ZBTB25: variants seen among roughly 807,000 people sequenced by gnomAD.
ZBTB25 encodes the protein zinc finger and BTB domain-containing protein 25.
A neutral mutation model predicts 34.2 loss-of-function variants in ZBTB25; 20 were observed. The observed-to-expected ratio is 0.58, with a 90% CI of 0.41 to 0.85. The LOEUF is 0.85. ZBTB25 is among the 40% of genes least tolerant of loss of function. ZBTB25 has a pLI of 0.00. For synonymous variants in ZBTB25, 175 were observed against 186.4 expected (o/e 0.94, Z 0.50); for missense variants, 437 against 521.8 (o/e 0.84, Z 1.58).
Position 64,462,073 on chromosome 14 carries a change from A to G in ZBTB25, c.174-12435T>C, listed in dbSNP as rs1259865146. 8 of 152,214 alleles carry G rather than the reference A, an allele frequency of 5.3e-5. No individual in the cohort carries two copies. In the South Asian group the frequency reaches 1.0e-3, roughly 20 times the overall value. The allele number at this position is 152,214 out of a possible 1,614,324, so 9.4% of individuals were successfully genotyped here. A position where few individuals can be genotyped will look rare whatever the true frequency, so the allele number is the denominator to read the frequency against. ...ACAGCCACATGGGTTTAAATCCTCA[A>G]TACTGGTAGGGGCTGGGCATGGTAG... On this transcript the variant is annotated intron_variant, in intron 2 of 2. Transcript: ENST00000555220.
chr14:64,494,614 G>A (rs984602850), intron 1 of ZBTB25, among the ~76,000 whole-genome samples: 2 of 152,042 alleles, frequency 1.3e-5, no homozygotes, highest in African/African-American at 2.4e-5. Flanking sequence ...GGGCAACAGA[G>A]CGAGACTCTG....
chr14:64,453,346 C>T (rs1053627206), intron 2 of ZBTB25, among the ~76,000 whole-genome samples: 7 of 151,982 alleles, frequency 4.6e-5, no homozygotes. Context: ...CCAAGGCTGG[C>T]AGATCACCTG....
At chr14:64,490,995 G>A (rs191287202) in intron 1 of ZBTB25, among the ~76,000 whole-genome samples, 15 of 152,270 alleles carry the variant, frequency 9.9e-5, no homozygotes, top group Middle Eastern at 3.4e-3. Context: ...AACATAACAC[G>A]GTATCCTGGC....
At chr14:64,503,936 C>G (rs893585030), upstream of ZBTB25, 2 of 152,174 alleles carry the variant, frequency 1.3e-5, no homozygotes, top group Admixed American at 6.5e-5. Flanking sequence ...GGCCCGCGCT[C>G]TGAGTGCCGC....
chr14:64,449,312 A>C, exon 3 of ZBTB25: 2 of 1,086,936 alleles, frequency 1.8e-6, no homozygotes, highest in Non-Finnish European at 2.8e-6. Flanking sequence ...GCTGAGATTC[A>C]AACCCAGGCC....
At chr14:64,453,654 G>GCC (rs2078415712) in intron 2 of ZBTB25, 1 of 734,204 alleles carries the variant, frequency 1.4e-6, no homozygotes. Context: ...ACCATCTTCT[G>GCC]CCCCTTTTAG....
intron 2 of ZBTB25, chr14:64,471,095 C>T (rs2078665038): frequency 6.0e-6 from 1 of 166,504 alleles, no homozygotes. Context: ...GTGTTGAGAC[C>T]AGTAAAAAGC....
chr14:64,474,397 C>T (rs1465191313), downstream of ZBTB25: 1 of 166,934 alleles, frequency 6.0e-6, no homozygotes, highest in Admixed American at 6.5e-5. Flanking sequence ...TACTAAATTA[C>T]TATGGATCAG....
At position 64,503,152 on chromosome 14, in the gene ZBTB25, C is replaced by G. The variant is rs2079553297; in HGVS notation, c.-8+509G>C. 4 of 985,506 alleles carry G rather than the reference C, an allele frequency of 4.1e-6. No individual in the cohort carries two copies. The Admixed American group carries it at 1.8e-4, about 45-fold the overall frequency. 61.0% of individuals were successfully genotyped at this position (985,506 alleles called of 1,614,324 possible). A position where few individuals can be genotyped will look rare whatever the true frequency, so the allele number is the denominator to read the frequency against. On this transcript the variant is annotated intron_variant, in intron 1 of 2. Coordinates refer to ENST00000608382, the MANE Select transcript of ZBTB25 (RefSeq NM_006977.5). Reference sequence around the variant, plus strand: ...GCTTCAAAAAGAAAAACCGGATATGCTTAGAACAAGATAAACATAATTTGA... The same window carrying G: ...GCTTCAAAAAGAAAAACCGGATATGGTTAGAACAAGATAAACATAATTTGA...
intron 2 of ZBTB25, among the ~76,000 whole-genome samples, chr14:64,464,107 C>T (rs1468059211): frequency 6.6e-6 from 1 of 151,586 alleles, no homozygotes; most frequent in Non-Finnish European, 1.5e-5. Context: ...AGTAGTGGCT[C>T]ACAGCAGCCT....
downstream of ZBTB25, among the ~76,000 whole-genome samples, chr14:64,475,061 A>G (rs1237703911): frequency 6.6e-6 from 1 of 152,224 alleles, no homozygotes; most frequent in African/African-American, 2.4e-5. Context: ...AAGTCCTAAA[A>G]CGAATCTGGC....
Position 64,486,309 on chromosome 14 carries a change from A to C in ZBTB25, c.*614T>G. On this transcript the variant is annotated 3_prime_UTR_variant, in exon 3 of 3. Transcript: ENST00000608382. ...ACAGAGAGACTCTGTCTCAAAAAAA[A>C]AAAGAGGTATACTCAATGTTAAAAA... is the stretch of plus-strand genomic sequence containing the variant. 1 of 985,150 alleles carries C rather than the reference A, an allele frequency of 1.0e-6. No homozygotes were observed. Among genetic ancestry groups the C allele is most frequent in the Non-Finnish European group, 1.2e-6 (1 of 829,646 alleles). The allele number at this position is 985,150 out of a possible 1,614,324, so 61.0% of individuals were successfully genotyped here. A position where few individuals can be genotyped will look rare whatever the true frequency, so the allele number is the denominator to read the frequency against.
At chr14:64,492,683 G>A (rs1227163151) in intron 1 of ZBTB25, among the ~76,000 whole-genome samples, 1 of 151,670 alleles carries the variant, frequency 6.6e-6, no homozygotes, top group African/African-American at 2.4e-5. Context: ...CTGAACCATA[G>A]GGAAATGAGA....
At chr14:64,475,779 G>A (rs748881937), downstream of ZBTB25, among the ~76,000 whole-genome samples, 2 of 152,130 alleles carry the variant, frequency 1.3e-5, no homozygotes, top group Admixed American at 6.5e-5. Flanking sequence ...GTGGCGCCGC[G>A]TCTGGGAAAC....
chr14:64,486,095 C>G lies in ZBTB25; in HGVS notation c.*828G>C, dbSNP rs578015976. The stretch of plus-strand genomic sequence containing the variant: ...CGGGCAGATGACGAGGTCAGGAGAT[C>G]GAGACCATCCTGGCTAACACGGTGA... On this transcript the variant is annotated 3_prime_UTR_variant, in exon 3 of 3. Transcript: ENST00000608382. 4 of 791,684 alleles carry G rather than the reference C, an allele frequency of 5.1e-6. No individual in the cohort carries two copies. Among genetic ancestry groups the G allele is most frequent in the East Asian group, 2.5e-4 (2 of 7,848 alleles). 49.0% of individuals were successfully genotyped at this position (791,684 alleles called of 1,614,324 possible).
chr14:64,498,249 A>C (rs2079348181), intron 1 of ZBTB25, among the ~76,000 whole-genome samples: 1 of 151,994 alleles, frequency 6.6e-6, no homozygotes, highest in African/African-American at 2.4e-5. Flanking sequence ...TTGATGTCTG[A>C]GTCCCAACCC....
At position 64,483,540 on chromosome 14, in the gene ZBTB25, G is replaced by C. The variant is rs558095066; in HGVS notation, c.*3383C>G. ...GACCCGCCCGCCTCGGCCTCCCAAA[G>C]TGCTGGGATTACAAGCATGAGCCAC... On this transcript the variant is annotated 3_prime_UTR_variant, in exon 3 of 3. Transcript: ENST00000608382. 6 of 152,166 alleles carry C rather than the reference G, an allele frequency of 3.9e-5. No homozygotes were observed. The highest frequency in any genetic ancestry group is 7.3e-5 in the Non-Finnish European group (5 of 68,088). 9.4% of individuals were successfully genotyped at this position (152,166 alleles called of 1,614,324 possible). A position where few individuals can be genotyped will look rare whatever the true frequency, so the allele number is the denominator to read the frequency against.
chr14:64,474,884 A>C (rs1400857875), downstream of ZBTB25, among the ~76,000 whole-genome samples: 2 of 152,218 alleles, frequency 1.3e-5, no homozygotes, highest in African/African-American at 4.8e-5. Flanking sequence ...GGTACATACT[A>C]AAGGTGGGTG....
chr14:64,455,815 C>T (rs887420104), intron 2 of ZBTB25, among the ~76,000 whole-genome samples: 2 of 152,194 alleles, frequency 1.3e-5, no homozygotes, highest in African/African-American at 4.8e-5. Flanking sequence ...AAGGTGAGAG[C>T]CCTGCTGCCC....
Sources: allele counts gnomAD v4.1 joint callset (sites outside exome capture counted in the v4.1 genomes callset), GRCh38; gene constraint gnomAD v4.1.1; transcripts MANE v1.5; gene names NCBI Gene and HGNC (gene_info 2026-07-23, HGNC 2026-07-21).